PYGB: variants seen among roughly 807,000 people sequenced by gnomAD.
PYGB encodes the protein glycogen phosphorylase, brain form.
PYGB carries 82 observed loss-of-function variants against 94.3 expected under a neutral mutation model. The observed-to-expected ratio is 0.87, with a 90% CI of 0.73 to 1.04. The LOEUF is 1.04. PYGB is among the 50% of genes least tolerant of loss of function. The pLI, the probability that PYGB is intolerant of heterozygous loss-of-function variation, is 0.00. For synonymous variants in PYGB, 488 were observed against 479.1 expected (o/e 1.02, Z -0.24); for missense variants, 1,132 against 1,158.2 (o/e 0.98, Z 0.33).
In PYGB at chr20:25,292,053, G is replaced by A. The variant is rs369774583; in HGVS notation, c.1970-353G>A. Among the ~76,000 whole-genome samples, 10 of 152,296 alleles carry A rather than the reference G, an allele frequency of 6.6e-5. 1 individual carries two copies. The highest frequency in any genetic ancestry group is 2.1e-4 in the South Asian group (1 of 4,828). On this transcript the variant is annotated intron_variant, in intron 16 of 19. Transcript: ENST00000216962. ...AGCCGCTGGGGCTGATCAAGGTCGCGGTGATCCAGGGAACGACATTGTCAG... is the reference window on the plus strand; with the variant it reads ...AGCCGCTGGGGCTGATCAAGGTCGCAGTGATCCAGGGAACGACATTGTCAG...
intron 14 of PYGB, among the ~76,000 whole-genome samples, chr20:25,286,305 C>T (rs1036400870): frequency 6.6e-6 from 1 of 152,214 alleles, no homozygotes; most frequent in Non-Finnish European, 1.5e-5. Context: ...CTACTTCTCT[C>T]AGGACTTGGT....
chr20:25,270,287 C>G (rs1279657342), intron 3 of PYGB, among the ~76,000 whole-genome samples: 1 of 150,334 alleles, frequency 6.7e-6, no homozygotes, highest in Non-Finnish European at 1.5e-5. Context: ...CTGCAAGCTC[C>G]GCCTCCCGGT....
chr20:25,271,561 C>T (rs1450965425), intron 4 of PYGB, 75 bp downstream of exon 4: 3 of 1,482,022 alleles, frequency 2.0e-6, no homozygotes, highest in South Asian at 1.1e-5. Context: ...TGCAGTTTGT[C>T]TTTTTATACT....
At position 25,266,351 on chromosome 20, in the gene PYGB, A is replaced by G. The variant is rs550876662; in HGVS notation, c.346-2778A>G. Among the ~76,000 whole-genome samples, 14 of 152,286 alleles carry G rather than the reference A, an allele frequency of 9.2e-5. No individual in the cohort carries two copies. In the South Asian group the frequency reaches 2.7e-3, roughly 29 times the overall value. ...GGGATATTTGGATATCTACATGCAAATAAATGAAATCGAACCCCTACCTCA... is the reference window on the plus strand; with the variant it reads ...GGGATATTTGGATATCTACATGCAAGTAAATGAAATCGAACCCCTACCTCA... On this transcript the variant is annotated intron_variant, in intron 2 of 19. Transcript: ENST00000216962.
At chr20:25,292,697 CT>C (rs1377797740) in intron 17 of PYGB, 84 bp downstream of exon 17, 1 of 1,477,578 alleles carries the variant, frequency 6.8e-7, no homozygotes, top group African/African-American at 1.4e-5. Context: ...CTGGACTGGG[CT>C]CTTGGGGCCA....
chr20:25,250,994 C>G (rs1008255499), intron 1 of PYGB: 1 of 152,116 alleles, frequency 6.6e-6, no homozygotes, highest in African/African-American at 2.4e-5. Flanking sequence ...CATAAAATAA[C>G]ATTATACTGA....
At chr20:25,268,168 C>CG (rs1555806076) in intron 2 of PYGB, among the ~76,000 whole-genome samples, 1 of 97,762 alleles carries the variant, frequency 1.0e-5, no homozygotes, top group Admixed American at 1.1e-4. Flanking sequence ...CCCGCCCCCC[C>CG]CCCATATCCA....
chr20:25,281,315 G>A (rs532043541), intron 11 of PYGB, among the ~76,000 whole-genome samples: 6 of 152,334 alleles, frequency 3.9e-5, no homozygotes, highest in Admixed American at 3.3e-4. Flanking sequence ...AGCACACGGG[G>A]GCCTCTGGAG....
At chr20:25,278,794 T>C (rs959383978) in intron 8 of PYGB, among the ~76,000 whole-genome samples, 2 of 152,074 alleles carry the variant, frequency 1.3e-5, no homozygotes. Flanking sequence ...GCTCCTCCCC[T>C]CCGGCTGCAG....
chr20:25,281,688 C>G (rs2088368676), intron 11 of PYGB, among the ~76,000 whole-genome samples: 1 of 152,200 alleles, frequency 6.6e-6, no homozygotes, highest in African/African-American at 2.4e-5. Context: ...TATGAGGAAA[C>G]CGAGCGCAGC....
At chr20:25,277,434 A>G in intron 7 of PYGB, 108 bp downstream of exon 7, 2 of 1,051,174 alleles carry the variant, frequency 1.9e-6, no homozygotes, top group South Asian at 1.4e-5. Flanking sequence ...GGCCTTGGCA[A>G]GCAGCCACCT....
chr20:25,289,403 T>G (rs1206239480), intron 15 of PYGB, among the ~76,000 whole-genome samples: 1 of 152,216 alleles, frequency 6.6e-6, no homozygotes, highest in East Asian at 1.9e-4. Context: ...CCCAGCACTT[T>G]GGGAGCCAAG....
At chr20:25,287,579 G>A (rs1375566541) in intron 14 of PYGB, among the ~76,000 whole-genome samples, 1 of 152,194 alleles carries the variant, frequency 6.6e-6, no homozygotes, top group Non-Finnish European at 1.5e-5. Context: ...GAGTCCAGGA[G>A]TCTGTGGCTG....
intron 4 of PYGB, among the ~76,000 whole-genome samples, chr20:25,272,726 C>T (rs913560236): frequency 3.3e-5 from 5 of 152,234 alleles, no homozygotes; most frequent in Non-Finnish European, 5.9e-5. Context: ...TCTCCACTGC[C>T]TCCGGACAGC....
At chr20:25,287,218 G>A (rs528928060) in intron 14 of PYGB, among the ~76,000 whole-genome samples, 96 of 152,374 alleles carry the variant, frequency 6.3e-4, no homozygotes, top group African/African-American at 2.2e-3. Flanking sequence ...AACTTTGGGG[G>A]CCCTCACCCG....
chr20:25,288,587 C>G, intron 15 of PYGB, 104 bp downstream of exon 15: 2 of 1,371,660 alleles, frequency 1.5e-6, no homozygotes, highest in Non-Finnish European at 2.0e-6. Context: ...TACTCGGGAA[C>G]CGGATGCCCA....
intron 7 of PYGB, 107 bp downstream of exon 7, chr20:25,277,433 A>G (rs1568691842): frequency 6.5e-6 from 7 of 1,080,030 alleles, no homozygotes; most frequent in Non-Finnish European, 9.6e-6. Flanking sequence ...TGGCCTTGGC[A>G]AGCAGCCACC....
chr20:25,297,443 A>ACACACATT lies in PYGB; in HGVS notation c.*921_*922insCACACATT, dbSNP rs2088565897. 6.6e-6 allele frequency: 1 copy of ACACACATT among 152,450 alleles called. No homozygotes were observed. The highest frequency in any genetic ancestry group is 1.5e-5 in the Non-Finnish European group (1 of 68,078). The allele number at this position is 152,450 out of a possible 1,614,324, so 9.4% of individuals were successfully genotyped here. Reference sequence around the variant, plus strand: ...TCCCGCTGACTCCTGCTGTGTCCTGAGGTGCATTTCCTGTTGTACACACAA... The same window carrying ACACACATT: ...TCCCGCTGACTCCTGCTGTGTCCTGACACACATTGGTGCATTTCCTGTTGTACACACAA... On this transcript the variant is annotated 3_prime_UTR_variant, in exon 20 of 20. Transcript: ENST00000216962.
chr20:25,270,446 C>T lies in PYGB; in HGVS notation c.425-937C>T, dbSNP rs559986628. On this transcript the variant is annotated intron_variant, in intron 3 of 19. Coordinates refer to ENST00000216962, the MANE Select transcript of PYGB (RefSeq NM_002862.4). ...CTCAATCTCCTGACCTCGTGATCTG[C>T]CCGCCTCAGCCTCCTAAAGTGTTGG... is the stretch of plus-strand genomic sequence containing the variant. Among the ~76,000 whole-genome samples the T allele has an allele frequency of 2.0e-4, 31 of 152,224 alleles. 1 individual carries two copies. Among genetic ancestry groups the T allele is most frequent in the South Asian group, 8.3e-4 (4 of 4,828 alleles).
Sources: gnomAD v4.1 joint callset for allele counts (sites outside exome capture counted in the v4.1 genomes callset) on GRCh38, gnomAD v4.1.1 for gene constraint, MANE v1.5 for transcripts, NCBI Gene and HGNC (gene_info 2026-07-23, HGNC 2026-07-21) for gene names.